The following TOPAZ1 variants were observed in gnomAD, a reference collection of about 807,000 sequenced individuals.
TOPAZ1 encodes testis and ovary specific TOPAZ 1.
In TOPAZ1, 66 loss-of-function variants were observed where a neutral mutation model predicts 172.2. That is an observed-to-expected ratio of 0.38 (90% CI 0.31 to 0.47). The LOEUF (loss-of-function observed/expected upper bound fraction) is 0.47. Among genes scored for constraint, TOPAZ1 ranks in the 20% least tolerant of loss-of-function variants. TOPAZ1 has a pLI of 0.99. For missense variants in TOPAZ1, 1,822 were observed against 1,972.4 expected (o/e 0.92, Z 1.44); for synonymous variants, 681 against 683.9 (o/e 1.00, Z 0.07).
chr3:44,313,455 TA>T (rs985973606), intron 16 of TOPAZ1, among the ~76,000 whole-genome samples: 92 of 142,706 alleles, frequency 6.4e-4, no homozygotes, highest in Non-Finnish European at 7.2e-4. Flanking sequence ...ACTAAAAATA[TA>T]AAAAAAAAAA....
chr3:44,315,005 A>G (rs1284832950), intron 16 of TOPAZ1, among the ~76,000 whole-genome samples: 2 of 152,184 alleles, frequency 1.3e-5, no homozygotes, highest in African/African-American at 4.8e-5. Context: ...ACTGCTATAA[A>G]TACTACCATT....
intron 12 of TOPAZ1, among the ~76,000 whole-genome samples, chr3:44,302,874 G>T (rs1002660230): frequency 1.4e-4 from 21 of 152,280 alleles, no homozygotes; most frequent in Non-Finnish European, 1.9e-4. Context: ...ACAGGATCTT[G>T]CTCTGTTTCC....
intron 2 of TOPAZ1, among the ~76,000 whole-genome samples, chr3:44,251,966 T>C (rs1699637619): frequency 6.6e-6 from 1 of 152,220 alleles, no homozygotes; most frequent in Non-Finnish European, 1.5e-5. Flanking sequence ...TTTATGATTT[T>C]TTTTTCACCC....
intron 12 of TOPAZ1, among the ~76,000 whole-genome samples, chr3:44,303,195 T>A (rs1391878175): frequency 6.6e-6 from 1 of 152,206 alleles, no homozygotes; most frequent in African/African-American, 2.4e-5. Context: ...AATTGTTTTT[T>A]TTTCTTAATC....
At chr3:44,253,499 T>C (rs914058091) in intron 2 of TOPAZ1, among the ~76,000 whole-genome samples, 1 of 152,132 alleles carries the variant, frequency 6.6e-6, no homozygotes, top group Non-Finnish European at 1.5e-5. Context: ...TTAAGGTTGA[T>C]ACCTGGTTTC....
In TOPAZ1 at chr3:44,242,110, G is replaced by C. The variant is rs1559520794; in HGVS notation, c.57G>C (p.Val19=). 1 of 1,548,384 alleles carries C rather than the reference G, an allele frequency of 6.5e-7. No individual in the cohort carries two copies. Among genetic ancestry groups the C allele is most frequent in the Non-Finnish European group, 8.7e-7 (1 of 1,146,538 alleles). Residue 19 remains valine, a synonymous_variant, in exon 1 of 20, where the codon GTG becomes GTC. Transcript: ENST00000309765. ...CGGCCTCAGGGCCTGAAGGCAATGT[G>C]CGAAACCTGCAGAAGCGGCAGGCGC... ...PTTASGPEGN[V]RNLQKRQAPG... is the part of the protein sequence containing the mutation.
rs1700602657 is a variant in TOPAZ1 at position 44,326,518 on chromosome 3, AT to A, written c.4676-1730del. ...ATTGGGTTTTTTTGGTTGTAAGAGT[AT>A]TCATACATACATACACATGTACATA... On this transcript the variant is annotated intron_variant, in intron 18 of 19. Coordinates refer to ENST00000309765, the MANE Select transcript of TOPAZ1 (RefSeq NM_001145030.2). Among the ~76,000 whole-genome samples, 3 of 152,184 alleles carry A rather than the reference AT, an allele frequency of 2.0e-5. No homozygotes were observed. In the South Asian group the frequency reaches 6.2e-4, roughly 32 times the overall value.
chr3:44,332,024 GCTT>G lies in TOPAZ1; in HGVS notation c.*14_*16del. The G allele has an allele frequency of 7.0e-7, 1 of 1,437,912 alleles. No homozygotes were observed. Among genetic ancestry groups the G allele is most frequent in the Non-Finnish European group, 9.3e-7 (1 of 1,080,942 alleles). 89.1% of individuals were successfully genotyped at this position (1,437,912 alleles called of 1,614,324 possible). A position where few individuals can be genotyped will look rare whatever the true frequency, so the allele number is the denominator to read the frequency against. On this transcript the variant is annotated 3_prime_UTR_variant, in exon 20 of 20. Transcript: ENST00000309765. Reference sequence around the variant, plus strand: ...CAGTAACCATTAGCTAATAAAGTCTGCTTTTTTTTTTTTTTTAGTTCAAGTAAT... The same window carrying G: ...CAGTAACCATTAGCTAATAAAGTCTGTTTTTTTTTTTTTAGTTCAAGTAAT...
chr3:44,256,123 T>G (rs1390235522), intron 3 of TOPAZ1, 28 bp from the exon 4 acceptor site: 1 of 1,463,336 alleles, frequency 6.8e-7, no homozygotes, highest in Non-Finnish European at 9.1e-7. Flanking sequence ...CTTTAAAGTT[T>G]CTATAGTTGA....
intron 11 of TOPAZ1, 53 bp downstream of exon 11, chr3:44,287,892 A>G: frequency 1.2e-6 from 1 of 867,786 alleles, no homozygotes; most frequent in South Asian, 1.7e-5. Context: ...CAAGAAAATA[A>G]TTGTTTCCAT....
intron 17 of TOPAZ1, 125 bp from the exon 18 acceptor site, chr3:44,322,967 G>A: frequency 1.8e-6 from 1 of 565,314 alleles, no homozygotes; most frequent in Non-Finnish European, 3.0e-6. Context: ...TTGCATTTTA[G>A]TGACTGTGAG....
chr3:44,272,399 C>G (rs1004002321), intron 8 of TOPAZ1, among the ~76,000 whole-genome samples: 1 of 152,168 alleles, frequency 6.6e-6, no homozygotes, highest in Non-Finnish European at 1.5e-5. Flanking sequence ...CACATCTTCA[C>G]CAGCACTTGT....
chr3:44,335,005 G>T (rs940925270), downstream of TOPAZ1, among the ~76,000 whole-genome samples: 1 of 152,070 alleles, frequency 6.6e-6, no homozygotes, highest in African/African-American at 2.4e-5. Context: ...CAAGGGGTGA[G>T]AGTTGTGATG....
intron 5 of TOPAZ1, among the ~76,000 whole-genome samples, chr3:44,264,702 C>G (rs1170374792): frequency 6.6e-6 from 1 of 152,182 alleles, no homozygotes; most frequent in Admixed American, 6.5e-5. Context: ...GAACTTCTTT[C>G]AAAATCAGAC....
chr3:44,250,827 C>A (rs543502279), intron 2 of TOPAZ1, among the ~76,000 whole-genome samples: 2 of 152,222 alleles, frequency 1.3e-5, no homozygotes, highest in African/African-American at 4.8e-5. Context: ...TTTCAGGCCA[C>A]GTAAACTAGT....
chr3:44,242,120 C>A lies in TOPAZ1; in HGVS notation c.67C>A (p.Gln23Lys). 1 of 1,548,896 alleles carries A rather than the reference C, an allele frequency of 6.5e-7. No homozygotes were observed. Among genetic ancestry groups the A allele is most frequent in the Non-Finnish European group, 8.7e-7 (1 of 1,146,520 alleles). Residue 23 changes from glutamine to lysine, a missense_variant, in exon 1 of 20, where the codon CAG (glutamine) becomes AAG (lysine). Gln to Lys is a moderately conservative substitution (Grantham distance 53). Coordinates refer to ENST00000309765, the MANE Select transcript of TOPAZ1 (RefSeq NM_001145030.2). ...GCCTGAAGGCAATGTGCGAAACCTGCAGAAGCGGCAGGCGCCAGGGCCAGG... is the reference window on the plus strand; with the variant it reads ...GCCTGAAGGCAATGTGCGAAACCTGAAGAAGCGGCAGGCGCCAGGGCCAGG... ...SGPEGNVRNL[Q>K]KRQAPGPGAA...
intron 16 of TOPAZ1, among the ~76,000 whole-genome samples, chr3:44,313,617 CAAAAA>C (rs63007860): frequency 3.0e-5 from 3 of 99,716 alleles, no homozygotes; most frequent in Non-Finnish European, 4.3e-5. Flanking sequence ...GACTCTGTCT[CAAAAA>C]AAAAAAAAAA....
chr3:44,247,233 A>G (rs1699577157), intron 2 of TOPAZ1, among the ~76,000 whole-genome samples: 1 of 152,212 alleles, frequency 6.6e-6, no homozygotes, highest in Non-Finnish European at 1.5e-5. Context: ...TAAAAATGCT[A>G]AAGAAAATTT....
At chr3:44,331,681 TG>T in intron 19 of TOPAZ1, 110 bp from the exon 20 acceptor site, 1 of 886,954 alleles carries the variant, frequency 1.1e-6, no homozygotes, top group Non-Finnish European at 1.7e-6. Flanking sequence ...TAGAAGAACA[TG>T]GTGAGAAGAC....
Sources: gnomAD v4.1 joint callset for allele counts (sites outside exome capture counted in the v4.1 genomes callset) on GRCh38, gnomAD v4.1.1 for gene constraint, MANE v1.5 for transcripts, NCBI Gene and HGNC (gene_info 2026-07-23, HGNC 2026-07-21) for gene names.